Variants in TET2 observed in about 807,000 individuals in gnomAD.
TET2 encodes the protein methylcytosine dioxygenase TET2.
A neutral mutation model predicts 142.9 loss-of-function variants in TET2; 299 were observed. The ratio of observed to expected loss-of-function variants is 2.09; its 90% confidence interval spans 1.90 to 2.30. The LOEUF is 2.30. Ranked by LOEUF, TET2 falls within the 30% of genes most tolerant of loss-of-function variation. TET2 has a pLI of 0.00. For missense variants in TET2, 2,418 were observed against 2,378.0 expected, an observed-to-expected ratio of 1.02 and a Z score of -0.35; for synonymous variants, 819 against 849.0, an observed-to-expected ratio of 0.96 and a Z score of 0.61.
intron 7 of TET2, 70 bp downstream of exon 7, chr4:105,259,839 CA>C (rs1302531837): frequency 2.0e-5 from 28 of 1,424,196 alleles, no homozygotes. Context: ...ATGAAGTGAA[CA>C]ATATGACATA....
At chr4:105,246,580 A>G (rs2110261515) in intron 6 of TET2, among the ~76,000 whole-genome samples, 1 of 152,388 alleles carries the variant, frequency 6.6e-6, no homozygotes, top group Admixed American at 6.5e-5. Context: ...CATGATTAAA[A>G]TAGACACGTA....
intron 2 of TET2, among the ~76,000 whole-genome samples, chr4:105,194,020 A>G (rs77294183): frequency 1.7e-3 from 264 of 152,276 alleles, no homozygotes; most frequent in African/African-American, 6.1e-3. Flanking sequence ...GTGGAAGGAA[A>G]AAGGATACCC....
chr4:105,234,380 TAA>T lies in TET2; in HGVS notation c.439_440del (p.Lys147GlufsTer14). The T allele has an allele frequency of 6.2e-7, 1 of 1,614,040 alleles. No individual in the cohort carries two copies. Among genetic ancestry groups the T allele is most frequent in the Non-Finnish European group, 8.5e-7 (1 of 1,180,014 alleles). On this transcript the variant is annotated frameshift_variant, in exon 3 of 11. Transcript: ENST00000380013. LOFTEE classifies it high-confidence loss of function. ...AACCAAATGTCTCCGATTTGAGTGA[TAA>T]GAAAGAATCTGTGAGTTCTGTAGCC... ...SQPNVSDLSD[K>X]KESVSSVAQE...
chr4:105,150,332 T>A (rs1723236679), intron 1 of TET2, among the ~76,000 whole-genome samples: 1 of 152,208 alleles, frequency 6.6e-6, no homozygotes. Flanking sequence ...GTTAAATTGT[T>A]TTTGTTGTTA....
intron 2 of TET2, among the ~76,000 whole-genome samples, chr4:105,218,538 T>C (rs1390538154): frequency 6.6e-6 from 1 of 152,104 alleles, no homozygotes. Context: ...CCAGTAGATA[T>C]TTATCATTGC....
At chr4:105,258,386 G>A (rs1217056609) in intron 6 of TET2, among the ~76,000 whole-genome samples, 1 of 152,104 alleles carries the variant, frequency 6.6e-6, no homozygotes, top group African/African-American at 2.4e-5. Context: ...TCAACCGTTA[G>A]TTACCATTTA....
At chr4:105,163,923 A>G (rs2110389659) in intron 1 of TET2, among the ~76,000 whole-genome samples, 1 of 151,872 alleles carries the variant, frequency 6.6e-6, no homozygotes, top group South Asian at 2.1e-4. Flanking sequence ...ACAAGTAAAC[A>G]GTCCACAAAA....
chr4:105,258,049 A>C (rs1216777587), intron 6 of TET2, among the ~76,000 whole-genome samples: 5 of 152,168 alleles, frequency 3.3e-5, no homozygotes, highest in African/African-American at 1.2e-4. Flanking sequence ...GCTTTTCATA[A>C]TAAATGTGGG....
rs1179965032 is a variant in TET2, at chr4:105,259,144, G to T, written c.3804-475G>T. On this transcript the variant is annotated intron_variant, in intron 6 of 10. Coordinates refer to ENST00000380013, the MANE Select transcript of TET2 (RefSeq NM_001127208.3). ...CACACACCTATAGTTCCAGCTATTT[G>T]GGAGGCTGAGGCGGGAAGATCACTT... 3.9e-5 allele frequency among the ~76,000 whole-genome samples: 6 copies of T among 152,290 alleles called. No homozygotes were observed. The South Asian group carries it at 1.2e-3, about 32-fold the overall frequency.
At chr4:105,243,078 A>C (rs1425372302) in intron 5 of TET2, among the ~76,000 whole-genome samples, 151 bp downstream of exon 5, 1 of 150,776 alleles carries the variant, frequency 6.6e-6, no homozygotes, top group Non-Finnish European at 1.5e-5. Flanking sequence ...TCTCTTAAGA[A>C]GAGGCAGATT....
At chr4:105,175,709 T>A (rs1309466054) in intron 1 of TET2, among the ~76,000 whole-genome samples, 1 of 151,682 alleles carries the variant, frequency 6.6e-6, no homozygotes, top group African/African-American at 2.4e-5. Context: ...CCAAACTACT[T>A]CTCCAGAGAG....
At position 105,242,080 on chromosome 4, in the gene TET2, G is replaced by T. The variant is rs1031576581; in HGVS notation, c.3500+651G>T. 14 of 1,215,830 alleles carry T rather than the reference G, an allele frequency of 1.2e-5. No individual in the cohort carries two copies. The African/African-American group carries it at 2.2e-4, about 19-fold the overall frequency. The allele number at this position is 1,215,830 out of a possible 1,614,324, so 75.3% of individuals were successfully genotyped here. A position where few individuals can be genotyped will look rare whatever the true frequency, so the allele number is the denominator to read the frequency against. On this transcript the variant is annotated intron_variant, in intron 4 of 10. Transcript: ENST00000380013. The stretch of plus-strand genomic sequence containing the variant: ...CAGCTCTGAGCTGTTCTTCTTCTAG[G>T]GTGCCTTTTCATTAAGAGGTAGGCA...
At chr4:105,241,533 T>G (rs1729297469) in intron 4 of TET2, 104 bp downstream of exon 4, 1 of 1,469,206 alleles carries the variant, frequency 6.8e-7, no homozygotes. Context: ...GTAAATTGAG[T>G]AATTATTAGT....
chr4:105,212,959 T>C (rs1047806562), intron 2 of TET2, among the ~76,000 whole-genome samples: 2 of 152,096 alleles, frequency 1.3e-5, no homozygotes, highest in South Asian at 4.1e-4. Context: ...CACTGCACTC[T>C]AGCCTGGTCG....
chr4:105,213,933 C>T (rs921988468), intron 2 of TET2, among the ~76,000 whole-genome samples: 5 of 152,206 alleles, frequency 3.3e-5, no homozygotes, highest in Admixed American at 1.3e-4. Context: ...AATCTCTGCT[C>T]ACTGCAACCT....
At chr4:105,229,192 A>G (rs773731451) in intron 2 of TET2, among the ~76,000 whole-genome samples, 2 of 152,218 alleles carry the variant, frequency 1.3e-5, no homozygotes, top group African/African-American at 4.8e-5. Flanking sequence ...TAAGGGCTCA[A>G]TAGCTATATG....
intron 2 of TET2, among the ~76,000 whole-genome samples, chr4:105,221,494 T>G (rs1727815437): frequency 6.6e-6 from 1 of 152,138 alleles, no homozygotes. Flanking sequence ...GAAACAGATT[T>G]TAAAACTTTA....
In TET2 at chr4:105,234,491, TGA is replaced by T. The variant is rs755056819; in HGVS notation, c.551_552del (p.Glu184AlafsTer7). On this transcript the variant is annotated frameshift_variant, in exon 3 of 11. Coordinates refer to ENST00000380013, the MANE Select transcript of TET2 (RefSeq NM_001127208.3). LOFTEE classifies it high-confidence loss of function. ...PENPELQILN[E>X]QEGKSANYHD... is the part of the protein sequence containing the mutation. Reference sequence around the variant, plus strand: ...AAAATCCAGAGCTTCAGATTCTGAATGAGCAGGAGGGGAAAAGTGCTAATTAC... The same window carrying T: ...AAAATCCAGAGCTTCAGATTCTGAATGCAGGAGGGGAAAAGTGCTAATTAC... 6.2e-7 allele frequency: 1 copy of T among 1,614,084 alleles called. No individual in the cohort carries two copies. The highest frequency in any genetic ancestry group is 8.5e-7 in the Non-Finnish European group (1 of 1,180,008).
chr4:105,167,980 C>A (rs1156399763), intron 1 of TET2, among the ~76,000 whole-genome samples: 1 of 152,202 alleles, frequency 6.6e-6, no homozygotes, highest in African/African-American at 2.4e-5. Context: ...TCTGTTGACT[C>A]TACCTGTAAA....
Sources: allele counts gnomAD v4.1 joint callset (sites outside exome capture counted in the v4.1 genomes callset), GRCh38; gene constraint gnomAD v4.1.1; transcripts MANE v1.5; gene names NCBI Gene and HGNC (gene_info 2026-07-23, HGNC 2026-07-21).